The following TMEM132D variants were observed in gnomAD, a reference collection of about 807,000 sequenced individuals.
TMEM132D encodes the protein mature OL transmembrane protein.
In TMEM132D, 21 loss-of-function variants were observed where a neutral mutation model predicts 62.3. The ratio of observed to expected loss-of-function variants is 0.34; its 90% CI spans 0.24 to 0.49. The LOEUF (loss-of-function observed/expected upper bound fraction) is 0.49, where lower values mean the gene tolerates loss of function less well. Ranked by LOEUF, TMEM132D falls within the 20% of genes least tolerant of loss-of-function variation. The probability of loss-of-function intolerance (pLI) is 0.99; values close to 1 mark genes in which losing one functional copy is unlikely to be tolerated. For missense variants in TMEM132D, 1,346 were observed against 1,402.8 expected (o/e 0.96, Z 0.65); for synonymous variants, 621 against 575.6 (o/e 1.08, Z -1.13).
At chr12:129,629,537 G>C (rs1314521040) in intron 2 of TMEM132D, among the ~76,000 whole-genome samples, 1 of 152,064 alleles carries the variant, frequency 6.6e-6, no homozygotes, top group Non-Finnish European at 1.5e-5. Context: ...GTTTAACTCT[G>C]CCTCTCCCAT....
intron 1 of TMEM132D, among the ~76,000 whole-genome samples, chr12:129,710,777 C>T (rs898757237): frequency 2.6e-5 from 4 of 152,176 alleles, no homozygotes; most frequent in Non-Finnish European, 5.9e-5. Flanking sequence ...ATGCTCCTCT[C>T]CCCTCAGGCT....
intron 1 of TMEM132D, among the ~76,000 whole-genome samples, chr12:129,773,928 C>T (rs1035158428): frequency 1.1e-4 from 16 of 152,154 alleles, no homozygotes; most frequent in Admixed American, 6.5e-5. Context: ...CTAAGATATA[C>T]AGCTCTGGTT....
At chr12:129,708,622 A>AC (rs1881560497) in intron 1 of TMEM132D, among the ~76,000 whole-genome samples, 3 of 91,540 alleles carry the variant, frequency 3.3e-5, no homozygotes, top group South Asian at 7.5e-4. Context: ...AAAAAAAAAA[A>AC]AAAAAAAAAC....
intron 1 of TMEM132D, among the ~76,000 whole-genome samples, chr12:129,713,194 G>A (rs1398171965): frequency 6.6e-6 from 1 of 152,098 alleles, no homozygotes; most frequent in Non-Finnish European, 1.5e-5. Context: ...GATGCTCTAG[G>A]GGCCCAACCT....
intron 3 of TMEM132D, among the ~76,000 whole-genome samples, chr12:129,530,130 AT>A (rs2137088502): frequency 6.6e-6 from 1 of 152,342 alleles, no homozygotes; most frequent in East Asian, 1.9e-4. Flanking sequence ...AAATCAAATC[AT>A]CCCCACATTG....
chr12:129,896,143 TTG>T (rs1555239812), intron 1 of TMEM132D, among the ~76,000 whole-genome samples: 13 of 78,954 alleles, frequency 1.6e-4, no homozygotes, highest in African/African-American at 1.5e-3. Context: ...CTCATTTTTT[TTG>T]TTTTGTTTTG....
At chr12:129,225,754 C>G (rs12311933) in intron 4 of TMEM132D, among the ~76,000 whole-genome samples, 16,120 of 152,042 alleles carry the variant, frequency 0.11, 1,184 homozygotes, top group East Asian at 0.3. Context: ...AAGGAAAAAG[C>G]AAGAGAGAGA....
chr12:129,359,505 C>T (rs528851277), intron 3 of TMEM132D, among the ~76,000 whole-genome samples: 146 of 152,080 alleles, frequency 9.6e-4, no homozygotes, highest in African/African-American at 3.2e-3. Context: ...CTTGTTTATG[C>T]GCAGTTCCTG....
chr12:129,730,386 G>T (rs1869190176), intron 1 of TMEM132D, among the ~76,000 whole-genome samples: 1 of 152,038 alleles, frequency 6.6e-6, no homozygotes, highest in African/African-American at 2.4e-5. Flanking sequence ...CCACTCCAGG[G>T]GTATGCTCCC....
chr12:129,278,969 C>T (rs994362352), intron 4 of TMEM132D, among the ~76,000 whole-genome samples: 3 of 152,108 alleles, frequency 2.0e-5, no homozygotes, highest in Admixed American at 2.0e-4. Flanking sequence ...AGTGGAGGTG[C>T]GCCTCCAGGC....
intron 3 of TMEM132D, among the ~76,000 whole-genome samples, chr12:129,490,267 A>G (rs1383102842): frequency 6.6e-6 from 1 of 152,114 alleles, no homozygotes; most frequent in East Asian, 1.9e-4. Flanking sequence ...ATCTCAGTGC[A>G]CTCAATAATA....
intron 5 of TMEM132D, among the ~76,000 whole-genome samples, chr12:129,096,272 C>T (rs1307736160): frequency 3.3e-5 from 5 of 152,098 alleles, no homozygotes; most frequent in Admixed American, 2.0e-4. Context: ...GTCTGGGTCC[C>T]GAGTCGGCCG....
intron 3 of TMEM132D, among the ~76,000 whole-genome samples, chr12:129,397,546 C>CAT (rs1871466929): frequency 6.6e-6 from 1 of 152,096 alleles, no homozygotes; most frequent in Non-Finnish European, 1.5e-5. Context: ...GCATTAAGCC[C>CAT]ATCTTTGGAT....
rs968615665 is a variant in TMEM132D at position 129,647,121 on chromosome 12, C to CATACATATATATAT, written c.968+52688_968+52689insATATATATATGTAT. Reference sequence around the variant, plus strand: ...AACCACATGTTTTTATACATACATACATATATATATATATATATATACTCA... The same window carrying CATACATATATATAT: ...AACCACATGTTTTTATACATACATACATACATATATATATATATATATATATATATATATACTCA... On this transcript the variant is annotated intron_variant, in intron 2 of 8. Coordinates refer to ENST00000422113, the MANE Select transcript of TMEM132D (RefSeq NM_133448.3). Among the ~76,000 whole-genome samples the CATACATATATATAT allele has an allele frequency of 8.3e-4, 122 of 146,454 alleles. 1 individual carries two copies. In the South Asian group the frequency reaches 0.014, roughly 17 times the overall value.
chr12:129,868,294 G>A (rs748462230), intron 1 of TMEM132D, among the ~76,000 whole-genome samples: 12 of 152,176 alleles, frequency 7.9e-5, no homozygotes, highest in South Asian at 2.1e-4. Flanking sequence ...ATGAGACAGC[G>A]TTTATATGGT....
chr12:129,384,408 G>A (rs1445884931), intron 3 of TMEM132D, among the ~76,000 whole-genome samples: 2 of 152,036 alleles, frequency 1.3e-5, no homozygotes, highest in African/African-American at 2.4e-5. Context: ...AGAACTCCCA[G>A]GGCTGTAGAC....
At chr12:129,248,320 G>A (rs1880177335) in intron 4 of TMEM132D, among the ~76,000 whole-genome samples, 1 of 152,130 alleles carries the variant, frequency 6.6e-6, no homozygotes, top group Non-Finnish European at 1.5e-5. Context: ...TCTCACGAAA[G>A]GACTTCTGCA....
At chr12:129,640,495 T>C (rs1477843677) in intron 2 of TMEM132D, among the ~76,000 whole-genome samples, 2 of 152,184 alleles carry the variant, frequency 1.3e-5, no homozygotes, top group African/African-American at 4.8e-5. Context: ...AAGAATCTCC[T>C]GACCGTGCCA....
Position 129,151,456 on chromosome 12 carries a change from C to T in TMEM132D, c.1443+58064G>A, listed in dbSNP as rs191035870. On this transcript the variant is annotated intron_variant, in intron 5 of 8. Coordinates refer to ENST00000422113, the MANE Select transcript of TMEM132D (RefSeq NM_133448.3). Reference sequence around the variant, plus strand: ...GGGAGCGGCTGACCCTCGGTGTCTCCGACACCATCACACCCGTCTTGTCTC... The same window carrying T: ...GGGAGCGGCTGACCCTCGGTGTCTCTGACACCATCACACCCGTCTTGTCTC... Among the ~76,000 whole-genome samples, 18 of 152,288 alleles carry T rather than the reference C, an allele frequency of 1.2e-4. No homozygotes were observed. In the East Asian group the frequency reaches 1.4e-3, roughly 11 times the overall value.
Sources: allele counts gnomAD v4.1 joint callset (sites outside exome capture counted in the v4.1 genomes callset), GRCh38; gene constraint gnomAD v4.1.1; transcripts MANE v1.5; gene names NCBI Gene and HGNC (gene_info 2026-07-23, HGNC 2026-07-21).